HERC4: variants seen among roughly 807,000 people sequenced by gnomAD.
The protein encoded by HERC4 is HECT and RLD domain containing E3 ubiquitin protein ligase 4.
Under a neutral mutation model 124.3 loss-of-function variants are expected in HERC4, and 28 were observed. That is an observed-to-expected ratio of 0.23 (90% CI 0.17 to 0.31). The LOEUF (loss-of-function observed/expected upper bound fraction) is 0.31. Ranked by LOEUF, HERC4 falls within the 10% of genes least tolerant of loss-of-function variation. The pLI is 1.00. For synonymous variants in HERC4, 407 were observed against 421.5 expected, an observed-to-expected ratio of 0.97 and a Z score of 0.42; for missense variants, 713 against 1,229.3, an observed-to-expected ratio of 0.58 and a Z score of 6.28.
intron 3 of HERC4, chr10:68,067,789 T>C (rs1238472875): frequency 2.0e-5 from 3 of 152,100 alleles, no homozygotes; most frequent in African/African-American, 4.8e-5. Context: ...TTAAAAAGAG[T>C]TCAACATAAA....
chr10:67,922,276 C>T lies in HERC4; in HGVS notation c.*655G>A, dbSNP rs2030291049. The T allele has an allele frequency of 6.6e-6, 1 of 152,038 alleles. No homozygotes were observed. Among genetic ancestry groups the T allele is most frequent in the Non-Finnish European group, 1.5e-5 (1 of 67,990 alleles). 9.4% of individuals were successfully genotyped at this position (152,038 alleles called of 1,614,324 possible). ...CCATCTATCAGTGTGTCAGGATTCA[C>T]AAAGAAAAGAACTGCAGGTTATGTA... On this transcript the variant is annotated 3_prime_UTR_variant, in exon 25 of 25. Coordinates refer to ENST00000373700, the MANE Select transcript of HERC4 (RefSeq NM_015601.4).
Position 68,073,700 on chromosome 10 carries a change from A to G in HERC4, c.-108-14T>C, listed in dbSNP as rs1192097109. 6.6e-6 allele frequency: 1 copy of G among 152,250 alleles called. No homozygotes were observed. Among genetic ancestry groups the G allele is most frequent in the Non-Finnish European group, 1.5e-5 (1 of 68,052 alleles). The allele number at this position is 152,250 out of a possible 1,614,324, so 9.4% of individuals were successfully genotyped here. A position where few individuals can be genotyped will look rare whatever the true frequency, so the allele number is the denominator to read the frequency against. Reference sequence around the variant, plus strand: ...TGGAGTTCTTATCTGTAACAGAAATAAAACCAATAATGGAAATTTAAAGCA... The same window carrying G: ...TGGAGTTCTTATCTGTAACAGAAATGAAACCAATAATGGAAATTTAAAGCA... On this transcript the variant is annotated splice_polypyrimidine_tract_variant and intron_variant, in intron 1 of 24. Coordinates refer to ENST00000373700, the MANE Select transcript of HERC4 (RefSeq NM_015601.4).
At chr10:67,952,375 T>C (rs557294884) in intron 19 of HERC4, among the ~76,000 whole-genome samples, 1 of 151,980 alleles carries the variant, frequency 6.6e-6, no homozygotes, top group African/African-American at 2.4e-5. Flanking sequence ...CCTCCGTCTA[T>C]TGGGTTCAAG....
chr10:68,035,582 C>T (rs1291130766), intron 5 of HERC4, among the ~76,000 whole-genome samples: 1 of 152,140 alleles, frequency 6.6e-6, no homozygotes, highest in Non-Finnish European at 1.5e-5. Context: ...TTGCTCACCC[C>T]AAAAAATATA....
At chr10:67,987,497 C>A (rs997692523) in intron 15 of HERC4, among the ~76,000 whole-genome samples, 3 of 152,114 alleles carry the variant, frequency 2.0e-5, no homozygotes, top group Non-Finnish European at 1.5e-5. Context: ...GCAAACAGTA[C>A]ACAGAAAGGT....
intron 22 of HERC4, 128 bp from the exon 23 acceptor site, chr10:67,932,908 G>A: frequency 2.6e-6 from 2 of 773,966 alleles, no homozygotes; most frequent in Non-Finnish European, 3.9e-6. Flanking sequence ...GAATGTATGA[G>A]TAGCGTTCAA....
chr10:68,036,988 A>G (rs866986072), intron 5 of HERC4, among the ~76,000 whole-genome samples: 7 of 151,626 alleles, frequency 4.6e-5, no homozygotes, highest in Non-Finnish European at 1.5e-5. Flanking sequence ...CTGTCTCTTA[A>G]TTTATCTGTG....
At chr10:67,954,861 T>G in intron 18 of HERC4, 102 bp downstream of exon 18, 1 of 1,214,496 alleles carries the variant, frequency 8.2e-7, no homozygotes, top group East Asian at 2.9e-5. Context: ...AAATATAATT[T>G]TATTTATTAA....
At chr10:68,054,028 C>G (rs1267694806) in intron 3 of HERC4, among the ~76,000 whole-genome samples, 1 of 152,176 alleles carries the variant, frequency 6.6e-6, no homozygotes, top group African/African-American at 2.4e-5. Flanking sequence ...GATTAAGTTT[C>G]AAAATCCTCT....
chr10:67,947,762 T>C (rs2033482002), intron 19 of HERC4, among the ~76,000 whole-genome samples: 1 of 150,724 alleles, frequency 6.6e-6, no homozygotes, highest in Non-Finnish European at 1.5e-5. Context: ...TCTTCTCATA[T>C]CATAATGGAA....
At chr10:67,981,087 A>T (rs2035901751) in intron 15 of HERC4, among the ~76,000 whole-genome samples, 2 of 152,230 alleles carry the variant, frequency 1.3e-5, no homozygotes. Context: ...AAACTCATGA[A>T]TCAAAAGACA....
chr10:67,968,665 G>A (rs1319761874), intron 15 of HERC4, among the ~76,000 whole-genome samples: 9 of 152,022 alleles, frequency 5.9e-5, no homozygotes, highest in Admixed American at 1.3e-4. Flanking sequence ...GTGAGCCACC[G>A]CGCCTGGCCA....
chr10:67,955,359 A>G (rs1027028669), intron 17 of HERC4: 1 of 417,706 alleles, frequency 2.4e-6, no homozygotes, highest in Non-Finnish European at 4.2e-6. Flanking sequence ...TCATAACACC[A>G]TTAGAGTAAG....
chr10:67,937,978 G>A (rs948048536), intron 21 of HERC4, among the ~76,000 whole-genome samples: 8 of 151,654 alleles, frequency 5.3e-5, no homozygotes, highest in Non-Finnish European at 8.8e-5. Flanking sequence ...CACTGTGCCC[G>A]GACAGAAAAC....
At chr10:67,975,015 C>T (rs2035497590) in intron 15 of HERC4, among the ~76,000 whole-genome samples, 1 of 152,000 alleles carries the variant, frequency 6.6e-6, no homozygotes, top group African/African-American at 2.4e-5. Context: ...ATGGTGAAAC[C>T]CCGTCTCTAC....
intron 15 of HERC4, among the ~76,000 whole-genome samples, chr10:67,970,582 ACT>A (rs1305268979): frequency 6.8e-6 from 1 of 147,834 alleles, no homozygotes; most frequent in Non-Finnish European, 1.5e-5. Context: ...ACAGAGCGAG[ACT>A]CTGTCTCAAA....
chr10:67,995,329 T>C (rs2132837808), intron 9 of HERC4: 3 of 436,212 alleles, frequency 6.9e-6, no homozygotes, highest in South Asian at 4.8e-5. Flanking sequence ...CATTACTTCA[T>C]ATTGTAGCTG....
At chr10:68,007,329 T>C (rs914559510) in intron 9 of HERC4, among the ~76,000 whole-genome samples, 24 of 152,164 alleles carry the variant, frequency 1.6e-4, no homozygotes, top group African/African-American at 5.5e-4. Flanking sequence ...TTTTAATCTC[T>C]TTGTTAAATT....
At chr10:68,022,500 A>AAAT (rs2038684246) in intron 8 of HERC4, among the ~76,000 whole-genome samples, 6 of 143,916 alleles carry the variant, frequency 4.2e-5, no homozygotes, top group African/African-American at 1.6e-4. Flanking sequence ...ACTCCATCTC[A>AAAT]AAATAAATAA....
Sources: gnomAD v4.1 joint callset for allele counts (sites outside exome capture counted in the v4.1 genomes callset) on GRCh38, gnomAD v4.1.1 for gene constraint, MANE v1.5 for transcripts, NCBI Gene and HGNC (gene_info 2026-07-23, HGNC 2026-07-21) for gene names.